ARL8A: variants seen among roughly 807,000 people sequenced by gnomAD.
ARL8A encodes ADP-ribosylation factor-like protein 8A.
Under a neutral mutation model 31.2 loss-of-function variants are expected in ARL8A, and 10 were observed. That is an observed-to-expected ratio of 0.32 (90% CI 0.20 to 0.54). ARL8A has a LOEUF of 0.54. Among genes scored for constraint, ARL8A ranks in the 20% least tolerant of loss-of-function variants. The pLI is 0.93. For synonymous variants in ARL8A, 70 were observed against 86.9 expected (o/e 0.81, Z 1.08); for missense variants, 129 against 242.8 (o/e 0.53, Z 3.12).
intron 3 of ARL8A, among the ~76,000 whole-genome samples, chr1:202,136,578 C>T (rs1655011618): frequency 6.6e-6 from 1 of 151,506 alleles, no homozygotes; most frequent in African/African-American, 2.4e-5. Flanking sequence ...CGCATCCAGC[C>T]TATTATTTTC....
In ARL8A at chr1:202,144,431, G is replaced by T; in HGVS notation, c.123+19C>A. 7.2e-7 allele frequency: 1 copy of T among 1,381,222 alleles called. No homozygotes were observed. The highest frequency in any genetic ancestry group is 9.6e-7 in the Non-Finnish European group (1 of 1,039,708). 85.6% of individuals were successfully genotyped at this position (1,381,222 alleles called of 1,614,324 possible). On this transcript the variant is annotated intron_variant, in intron 1 of 6. Coordinates refer to ENST00000272217, the MANE Select transcript of ARL8A (RefSeq NM_138795.4). This position sits in a 1 kb window ranked among gnomAD's most constrained non-coding sequence, Gnocchi z 5.2. ...CCCGCGGCCCGCGCCCGGGGACCCCGCGCCCGACGCCCTCGTACCGCGATC... is the reference window on the plus strand; with the variant it reads ...CCCGCGGCCCGCGCCCGGGGACCCCTCGCCCGACGCCCTCGTACCGCGATC...
At chr1:202,141,269 C>T (rs1428681728) in intron 1 of ARL8A, among the ~76,000 whole-genome samples, 2 of 152,214 alleles carry the variant, frequency 1.3e-5, no homozygotes, top group Non-Finnish European at 2.9e-5. Context: ...TGCAGCCCAA[C>T]CTCTTGTCTC....
chr1:202,136,915 T>C (rs1252680346), intron 3 of ARL8A, among the ~76,000 whole-genome samples: 1 of 151,988 alleles, frequency 6.6e-6, no homozygotes, highest in East Asian at 1.9e-4. Context: ...AGTGCAGTGA[T>C]GCGATCTCGG....
At chr1:202,136,904 G>A (rs1367140964) in intron 3 of ARL8A, among the ~76,000 whole-genome samples, 2 of 151,680 alleles carry the variant, frequency 1.3e-5, no homozygotes, top group Admixed American at 6.6e-5. Context: ...GCCCAGGCTG[G>A]AGTGCAGTGA....
chr1:202,135,959 G>A lies in ARL8A; in HGVS notation c.279-159C>T, dbSNP rs538612437. Among the ~76,000 whole-genome samples, 21 of 152,260 alleles carry A rather than the reference G, an allele frequency of 1.4e-4. No individual in the cohort carries two copies. In the East Asian group the frequency reaches 2.9e-3, roughly 21 times the overall value. The stretch of plus-strand genomic sequence containing the variant: ...TGGCCTGGCTCAAGGCAGGTGCTCC[G>A]CGGATGTTTTCTGAGTCTATGGGAG... On this transcript the variant is annotated intron_variant, in intron 3 of 6. Coordinates refer to ENST00000272217, the MANE Select transcript of ARL8A (RefSeq NM_138795.4). This position sits in a 1 kb window ranked among gnomAD's most constrained non-coding sequence, Gnocchi z 5.3.
At position 202,135,745 on chromosome 1, in the gene ARL8A, G is replaced by A; in HGVS notation, c.334C>T (p.His112Tyr). 1.9e-6 allele frequency: 3 copies of A among 1,614,146 alleles called. No individual in the cohort carries two copies. Among genetic ancestry groups the A allele is most frequent in the Non-Finnish European group, 2.5e-6 (3 of 1,180,024 alleles). The change falls in exon 4 of 7, where the codon CAC becomes TAC. Residue 112 changes from histidine to tyrosine, a missense_variant. Physicochemically the swap from His to Tyr is moderately conservative, Grantham distance 83 (BLOSUM62 2). Coordinates refer to ENST00000272217, the MANE Select transcript of ARL8A (RefSeq NM_138795.4). The surrounding 1 kb of genome is among the most constrained non-coding windows in gnomAD (Gnocchi z 5.3). ...EKIEASKNEL[H>Y]NLLDKPQLQG... ...AGCTGAGGTTTGTCCAGTAGGTTGT[G>A]GAGCTCGTTCTTAGAGGCCTCAATC...
intron 3 of ARL8A, among the ~76,000 whole-genome samples, chr1:202,137,592 C>T (rs1234157863): frequency 1.3e-5 from 2 of 151,182 alleles, no homozygotes; most frequent in Non-Finnish European, 2.9e-5. Context: ...CGCACCATTG[C>T]ACGCCAGCCT....
At position 202,134,210 on chromosome 1, in the gene ARL8A, A is replaced by G; in HGVS notation, c.*257T>C. On this transcript the variant is annotated 3_prime_UTR_variant, in exon 7 of 7. Transcript: ENST00000272217. The surrounding 1 kb of genome is among the most constrained non-coding windows in gnomAD (Gnocchi z 4.2). ...GGGGCTGTGGCCCAGGGCTGCTGGG[A>G]GGGAGGCAGGGCTGGGTGATGGGAC... 1.9e-6 allele frequency: 1 copy of G among 516,760 alleles called. No individual in the cohort carries two copies. Among genetic ancestry groups the G allele is most frequent in the South Asian group, 2.1e-5 (1 of 47,122 alleles). The allele number at this position is 516,760 out of a possible 1,614,324, so 32.0% of individuals were successfully genotyped here. A position where few individuals can be genotyped will look rare whatever the true frequency, so the allele number is the denominator to read the frequency against.
Position 202,144,530 on chromosome 1 carries a change from G to T in ARL8A, c.43C>A (p.Leu15Ile). The T allele has an allele frequency of 2.0e-6, 3 of 1,484,424 alleles. No homozygotes were observed. The highest frequency in any genetic ancestry group is 1.4e-5 in the African/African-American group (1 of 69,466). The allele number at this position is 1,484,424 out of a possible 1,614,324, so 92.0% of individuals were successfully genotyped here. The change falls in exon 1 of 7, where the codon CTA becomes ATA. Residue 15 changes from leucine to isoleucine, a missense_variant. Physicochemically the swap from Leu to Ile is conservative, Grantham distance 5. Coordinates refer to ENST00000272217, the MANE Select transcript of ARL8A (RefSeq NM_138795.4). The surrounding 1 kb of genome is among the most constrained non-coding windows in gnomAD (Gnocchi z 5.2). ...FNKLLDWFKALFWKEEMELTL... is the reference protein window; with the variant it reads ...FNKLLDWFKAIFWKEEMELTL... The stretch of plus-strand genomic sequence containing the variant: ...AGCTCCATCTCCTCCTTCCAGAATA[G>T]GGCCTTGAACCAGTCCAGCAGCTTG...
intron 3 of ARL8A, 23 bp downstream of exon 3, chr1:202,137,941 TG>T (rs751413695): frequency 6.2e-7 from 1 of 1,613,778 alleles, no homozygotes; most frequent in Non-Finnish European, 8.5e-7. Context: ...GGCTGGAGTC[TG>T]GCGATGCCTC....
chr1:202,138,126 C>A lies in ARL8A; in HGVS notation c.205-88G>T. The A allele has an allele frequency of 6.9e-7, 1 of 1,457,030 alleles. No individual in the cohort carries two copies. The allele number at this position is 1,457,030 out of a possible 1,614,324, so 90.3% of individuals were successfully genotyped here. A position where few individuals can be genotyped will look rare whatever the true frequency, so the allele number is the denominator to read the frequency against. On this transcript the variant is annotated intron_variant, in intron 2 of 6. Coordinates refer to ENST00000272217, the MANE Select transcript of ARL8A (RefSeq NM_138795.4). This position sits in a 1 kb window ranked among gnomAD's most constrained non-coding sequence, Gnocchi z 4.4. Reference sequence around the variant, plus strand: ...CTCAAATGCCCCCTCCTACCCTGCCCTACTCTCCTCTGCCTCCCCGGCTTC... The same window carrying A: ...CTCAAATGCCCCCTCCTACCCTGCCATACTCTCCTCTGCCTCCCCGGCTTC...
At position 202,144,318 on chromosome 1, in the gene ARL8A, C is replaced by T. The variant is rs1176605194; in HGVS notation, c.123+132G>A. 2.0e-5 allele frequency: 12 copies of T among 605,100 alleles called. No individual in the cohort carries two copies. Among genetic ancestry groups the T allele is most frequent in the Non-Finnish European group, 2.5e-5 (12 of 481,676 alleles). 37.5% of individuals were successfully genotyped at this position (605,100 alleles called of 1,614,324 possible). A position where few individuals can be genotyped will look rare whatever the true frequency, so the allele number is the denominator to read the frequency against. On this transcript the variant is annotated intron_variant, in intron 1 of 6. Transcript: ENST00000272217. This position sits in a 1 kb window ranked among gnomAD's most constrained non-coding sequence, Gnocchi z 5.2. Reference sequence around the variant, plus strand: ...GGCCCCAAGCGCTCGGGGCCGGCTCCTCCCCCGCCCGGCGCCCGGCCGTGC... The same window carrying T: ...GGCCCCAAGCGCTCGGGGCCGGCTCTTCCCCCGCCCGGCGCCCGGCCGTGC...
chr1:202,133,878 T>A lies in ARL8A; in HGVS notation c.*589A>T, dbSNP rs1228995203. On this transcript the variant is annotated 3_prime_UTR_variant, in exon 7 of 7. Transcript: ENST00000272217. ...TCAAGCACTGCCAGGACAAGCCAGATTGGGCGGTGGAAACACACGGGACAG... is the reference window on the plus strand; with the variant it reads ...TCAAGCACTGCCAGGACAAGCCAGAATGGGCGGTGGAAACACACGGGACAG... 1 of 152,070 alleles carries A rather than the reference T, an allele frequency of 6.6e-6. No homozygotes were observed. The highest frequency in any genetic ancestry group is 1.5e-5 in the Non-Finnish European group (1 of 68,044). The allele number at this position is 152,070 out of a possible 1,614,324, so 9.4% of individuals were successfully genotyped here. A position where few individuals can be genotyped will look rare whatever the true frequency, so the allele number is the denominator to read the frequency against.
Position 202,135,362 on chromosome 1 carries a change from G to A in ARL8A, c.440+97C>T, listed in dbSNP as rs1268353544. 5 of 1,503,328 alleles carry A rather than the reference G, an allele frequency of 3.3e-6. No homozygotes were observed. Among genetic ancestry groups the A allele is most frequent in the African/African-American group, 1.4e-5 (1 of 72,450 alleles). 93.1% of individuals were successfully genotyped at this position (1,503,328 alleles called of 1,614,324 possible). The stretch of plus-strand genomic sequence containing the variant: ...TGAAAAGGTCGGCTCTGCTGCCACC[G>A]TGTGGCTAATACTAAGAACAGCAGC... On this transcript the variant is annotated intron_variant, in intron 5 of 6. Coordinates refer to ENST00000272217, the MANE Select transcript of ARL8A (RefSeq NM_138795.4). The surrounding 1 kb of genome is among the most constrained non-coding windows in gnomAD (Gnocchi z 5.3).
intron 1 of ARL8A, among the ~76,000 whole-genome samples, chr1:202,143,331 C>G (rs1430812062): frequency 1.3e-5 from 2 of 152,192 alleles, no homozygotes; most frequent in African/African-American, 4.8e-5. Flanking sequence ...CCATCTTCTG[C>G]AAGGTGGGGC....
In ARL8A at chr1:202,134,552, C is replaced by A. The variant is rs756337108; in HGVS notation, c.512-36G>T. On this transcript the variant is annotated intron_variant, in intron 6 of 6. Transcript: ENST00000272217. This position sits in a 1 kb window ranked among gnomAD's most constrained non-coding sequence, Gnocchi z 4.2. ...AAAAGAGAACAGCTTATAAGGCCTGCAAGTACTGGCCGTGCTGGGGCAGCA... is the reference window on the plus strand; with the variant it reads ...AAAAGAGAACAGCTTATAAGGCCTGAAAGTACTGGCCGTGCTGGGGCAGCA... 1 of 1,583,408 alleles carries A rather than the reference C, an allele frequency of 6.3e-7. No individual in the cohort carries two copies. The highest frequency in any genetic ancestry group is 1.3e-5 in the African/African-American group (1 of 74,116).
chr1:202,142,619 T>C (rs1387184302), intron 1 of ARL8A, among the ~76,000 whole-genome samples: 1 of 152,144 alleles, frequency 6.6e-6, no homozygotes, highest in Non-Finnish European at 1.5e-5. Context: ...AATTTAAGAT[T>C]AAAAAGGGGA....
intron 1 of ARL8A, among the ~76,000 whole-genome samples, chr1:202,142,381 C>G (rs1655185639): frequency 1.3e-5 from 2 of 152,168 alleles, no homozygotes; most frequent in Admixed American, 1.3e-4. Context: ...GGAACAGAGC[C>G]CAGGGGTCCC....
intron 1 of ARL8A, among the ~76,000 whole-genome samples, chr1:202,143,157 A>G (rs4363479): frequency 0.96 from 145,875 of 152,288 alleles, 69,921 homozygotes; most frequent in East Asian, 1. Context: ...CTGGGTCGAG[A>G]AAGGGCAGAG....
Sources: allele counts gnomAD v4.1 joint callset (sites outside exome capture counted in the v4.1 genomes callset), GRCh38; gene constraint gnomAD v4.1.1; non-coding constraint Gnocchi (gnomAD v3.1); transcripts MANE v1.5; gene names NCBI Gene and HGNC (gene_info 2026-07-23, HGNC 2026-07-21).